HCRTR2: variants seen among roughly 807,000 people sequenced by gnomAD.
HCRTR2 encodes the protein hypocretin receptor 2.
A neutral mutation model predicts 49.0 loss-of-function variants in HCRTR2; 22 were observed. The ratio of observed to expected loss-of-function variants is 0.45; its 90% CI spans 0.32 to 0.64. HCRTR2 has a LOEUF of 0.64. Ranked by LOEUF, HCRTR2 falls within the 30% of genes least tolerant of loss-of-function variation. HCRTR2 has a pLI of 0.04. For missense variants in HCRTR2, 491 were observed against 559.4 expected (o/e 0.88, Z 1.23); for synonymous variants, 236 against 205.3 (o/e 1.15, Z -1.28).
intron 1 of HCRTR2, among the ~76,000 whole-genome samples, chr6:55,154,003 C>T (rs939965928): frequency 2.6e-5 from 4 of 151,718 alleles, no homozygotes; most frequent in African/African-American, 4.8e-5. Context: ...AACAACTATA[C>T]ACCAATAAAT....
chr6:55,186,931 A>T (rs1765225628), intron 1 of HCRTR2, among the ~76,000 whole-genome samples: 1 of 152,214 alleles, frequency 6.6e-6, no homozygotes, highest in South Asian at 2.1e-4. Flanking sequence ...ACAATGGAAA[A>T]AATAATAACA....
intron 1 of HCRTR2, among the ~76,000 whole-genome samples, chr6:55,210,656 TC>T (rs775045148): frequency 1.2e-4 from 19 of 152,130 alleles, no homozygotes; most frequent in Non-Finnish European, 2.6e-4. Context: ...CTGATAGTTT[TC>T]CATTTCCTGA....
At chr6:55,257,020 A>G (rs1163156565) in intron 3 of HCRTR2, among the ~76,000 whole-genome samples, 1 of 152,164 alleles carries the variant, frequency 6.6e-6, no homozygotes, top group Non-Finnish European at 1.5e-5. Context: ...GCAGAACATT[A>G]AAGATAAGCA....
intron 1 of HCRTR2, among the ~76,000 whole-genome samples, chr6:55,116,735 T>C (rs1764123060): frequency 1.1e-5 from 1 of 91,502 alleles, no homozygotes; most frequent in African/African-American, 3.5e-5. Flanking sequence ...AAAACTCTTA[T>C]TCCAGTGGCA....
At chr6:55,123,279 C>CT (rs915300179) in intron 1 of HCRTR2, among the ~76,000 whole-genome samples, 40 of 151,692 alleles carry the variant, frequency 2.6e-4, no homozygotes, top group African/African-American at 7.7e-4. Context: ...ATAAATAGCT[C>CT]TTTTTTTTGA....
chr6:55,243,040 T>C (rs77782224), intron 1 of HCRTR2, among the ~76,000 whole-genome samples: 3,241 of 151,714 alleles, frequency 0.021, 66 homozygotes, highest in Middle Eastern at 0.075. Flanking sequence ...TTCCATGTCT[T>C]ACGGAGAATG....
Position 55,255,125 on chromosome 6 carries a change from C to A in HCRTR2, c.403-11C>A. The A allele has an allele frequency of 6.2e-7, 1 of 1,613,574 alleles. No individual in the cohort carries two copies. Among genetic ancestry groups the A allele is most frequent in the South Asian group, 1.1e-5 (1 of 91,066 alleles). ...GTGCTTCTCTATTACTATGATCTTTCTTTTCTCTAGACCGTGTCGGTGTCT... is the reference window on the plus strand; with the variant it reads ...GTGCTTCTCTATTACTATGATCTTTATTTTCTCTAGACCGTGTCGGTGTCT... On this transcript the variant is annotated splice_polypyrimidine_tract_variant and intron_variant, in intron 2 of 6. Transcript: ENST00000370862.
intron 3 of HCRTR2, among the ~76,000 whole-genome samples, chr6:55,258,370 A>G (rs928351472): frequency 1.3e-5 from 2 of 152,156 alleles, no homozygotes; most frequent in Non-Finnish European, 2.9e-5. Context: ...CAGTTGATAC[A>G]TATCTATCAA....
intron 1 of HCRTR2, among the ~76,000 whole-genome samples, chr6:55,245,504 T>TATATATATATATATATATA (rs1562020390): frequency 9.4e-6 from 1 of 106,768 alleles, no homozygotes; most frequent in African/African-American, 3.3e-5. Flanking sequence ...TATATATATA[T>TATATATATATATATATATA]ATCTTCCCCA....
chr6:55,201,887 C>A lies in HCRTR2; in HGVS notation c.223+27077C>A, dbSNP rs555348536. Among the ~76,000 whole-genome samples the A allele has an allele frequency of 4.6e-5, 7 of 152,218 alleles. No individual in the cohort carries two copies. The East Asian group carries it at 1.2e-3, about 25-fold the overall frequency. Reference sequence around the variant, plus strand: ...ATACTATTAACAGCTACTTACATTGCTCAAATTTAATATACGATTGCTGCT... The same window carrying A: ...ATACTATTAACAGCTACTTACATTGATCAAATTTAATATACGATTGCTGCT... On this transcript the variant is annotated intron_variant, in intron 1 of 6. Coordinates refer to ENST00000370862, the MANE Select transcript of HCRTR2 (RefSeq NM_001384272.1).
At chr6:55,245,337 C>A (rs1766411380) in intron 1 of HCRTR2, among the ~76,000 whole-genome samples, 1 of 142,904 alleles carries the variant, frequency 7.0e-6, no homozygotes, top group South Asian at 2.2e-4. Context: ...AGGTAAATAT[C>A]CTAGCATCTA....
chr6:55,175,429 A>T (rs1561995933), intron 1 of HCRTR2, among the ~76,000 whole-genome samples: 4 of 152,288 alleles, frequency 2.6e-5, no homozygotes, highest in Non-Finnish European at 5.9e-5. Flanking sequence ...GCCTGGAGCA[A>T]GAAGGAGGGG....
intron 1 of HCRTR2, among the ~76,000 whole-genome samples, chr6:55,206,410 G>A (rs1765602205): frequency 6.6e-6 from 1 of 152,006 alleles, no homozygotes; most frequent in African/African-American, 2.4e-5. Flanking sequence ...AGTAAGAGAA[G>A]TATTACACCT....
intron 1 of HCRTR2, among the ~76,000 whole-genome samples, chr6:55,160,660 G>A (rs1253098058): frequency 2.0e-5 from 3 of 151,840 alleles, no homozygotes; most frequent in East Asian, 1.9e-4. Context: ...CAAATGGAAA[G>A]CAAAATAAAG....
intron 1 of HCRTR2, among the ~76,000 whole-genome samples, chr6:55,246,496 A>G (rs1335635102): frequency 6.6e-6 from 1 of 152,114 alleles, no homozygotes; most frequent in Non-Finnish European, 1.5e-5. Context: ...GTGATTATTC[A>G]TGCATCAGAT....
chr6:55,235,988 C>T (rs1278958796), intron 1 of HCRTR2, among the ~76,000 whole-genome samples: 1 of 151,858 alleles, frequency 6.6e-6, no homozygotes, highest in Non-Finnish European at 1.5e-5. Flanking sequence ...CTAATTTTGG[C>T]CCATTATATT....
rs193016637 is a variant in HCRTR2, at chr6:55,234,134, G to A, written c.224-14505G>A. ...CAGCAAAATGATATAAGGTGACAAAGTAGAAATAGGTGCTATGCTGCTTTA... is the reference window on the plus strand; with the variant it reads ...CAGCAAAATGATATAAGGTGACAAAATAGAAATAGGTGCTATGCTGCTTTA... On this transcript the variant is annotated intron_variant, in intron 1 of 6. Transcript: ENST00000370862. Among the ~76,000 whole-genome samples, 176 of 152,292 alleles carry A rather than the reference G, an allele frequency of 1.2e-3. 1 individual carries two copies. Among genetic ancestry groups the A allele is most frequent in the African/African-American group, 4.1e-3 (170 of 41,556 alleles).
rs184088325 is a variant in HCRTR2 at position 55,269,114 on chromosome 6, A to G, written c.762+5292A>G. 2.2e-3 allele frequency among the ~76,000 whole-genome samples: 340 copies of G among 151,742 alleles called. 1 individual carries two copies. Among genetic ancestry groups the G allele is most frequent in the African/African-American group, 7.4e-3 (308 of 41,452 alleles). ...AAAAAAAAAAAAAAAAAAGAAATAAAGAAAAAACAGGCAGAATAGCAACAA... is the reference window on the plus strand; with the variant it reads ...AAAAAAAAAAAAAAAAAAGAAATAAGGAAAAAACAGGCAGAATAGCAACAA... On this transcript the variant is annotated intron_variant, in intron 4 of 6. Coordinates refer to ENST00000370862, the MANE Select transcript of HCRTR2 (RefSeq NM_001384272.1).
chr6:55,154,973 C>T (rs1377717151), intron 1 of HCRTR2, among the ~76,000 whole-genome samples: 1 of 151,620 alleles, frequency 6.6e-6, no homozygotes, highest in African/African-American at 2.4e-5. Flanking sequence ...AAACAATCCC[C>T]ATTACAATAG....
Sources: gnomAD v4.1 joint callset for allele counts (sites outside exome capture counted in the v4.1 genomes callset) on GRCh38, gnomAD v4.1.1 for gene constraint, MANE v1.5 for transcripts, NCBI Gene and HGNC (gene_info 2026-07-23, HGNC 2026-07-21) for gene names.